MROH1: variants seen among roughly 807,000 people sequenced by gnomAD.
The protein encoded by MROH1 is maestro heat like repeat family member 1.
In MROH1, 117 loss-of-function variants were observed where a neutral mutation model predicts 116.5. The ratio of observed to expected loss-of-function variants is 1.00; its 90% CI spans 0.86 to 1.17. MROH1 has a LOEUF of 1.17. Ranked by LOEUF, MROH1 falls within the 50% of genes most tolerant of loss-of-function variation. MROH1 has a pLI of 0.00. For missense variants in MROH1, 1,873 were observed against 1,338.5 expected (o/e 1.40, Z -6.23); for synonymous variants, 921 against 583.9 (o/e 1.58, Z -8.32).
chr8:144,179,896 A>C (rs1184942180), intron 5 of MROH1, among the ~76,000 whole-genome samples: 3 of 151,524 alleles, frequency 2.0e-5, no homozygotes, highest in African/African-American at 4.9e-5. Flanking sequence ...GGTGGGCCTA[A>C]CTCTCAGGGC....
chr8:144,180,474 C>T lies in MROH1; in HGVS notation c.513C>T (p.Pro171=), dbSNP rs751131150. Reference sequence around the variant, plus strand: ...CATCCGTCCTGAGCTCCCTGCTGCCCGTGCTGGGCGTGGCCAAGCAGGACA... The same window carrying T: ...CATCCGTCCTGAGCTCCCTGCTGCCTGTGCTGGGCGTGGCCAAGCAGGACA... The part of the protein sequence containing the change: ...FLPSVLSSLL[P]VLGVAKQDTV... Residue 171 remains proline (P), a synonymous_variant, in exon 7 of 44, where the codon CCC becomes CCT. Transcript: ENST00000326134. The surrounding 1 kb of genome is among the most constrained non-coding windows in gnomAD (Gnocchi z 7.4). The T allele has an allele frequency of 1.3e-5, 21 of 1,612,440 alleles. No individual in the cohort carries two copies. The highest frequency in any genetic ancestry group is 6.6e-5 in the South Asian group (6 of 91,084).
intron 36 of MROH1, 145 bp from the exon 37 acceptor site, chr8:144,259,095 A>G: frequency 1.5e-6 from 1 of 677,184 alleles, no homozygotes; most frequent in Admixed American, 2.1e-5. Flanking sequence ...CTGGCGAGGC[A>G]AGCTGGGAGG....
chr8:144,170,158 G>T (rs925372716), intron 4 of MROH1, among the ~76,000 whole-genome samples: 1 of 152,132 alleles, frequency 6.6e-6, no homozygotes, highest in Non-Finnish European at 1.5e-5. Flanking sequence ...TGGCTGCCTT[G>T]GGGGAGAATG....
rs927194847 is a variant in MROH1 at position 144,259,138 on chromosome 8, C to T, written c.3930-102C>T. 290 of 694,442 alleles carry T rather than the reference C, an allele frequency of 4.2e-4. 1 individual carries two copies. In the East Asian group the frequency reaches 7.5e-3, roughly 18 times the overall value. The allele number at this position is 694,442 out of a possible 1,614,324, so 43.0% of individuals were successfully genotyped here. A position where few individuals can be genotyped will look rare whatever the true frequency, so the allele number is the denominator to read the frequency against. ...GAAACATAGAACTCCCAGAACCTGG[C>T]AGCTGGCGGTGGAGCGGACCAGGGC... On this transcript the variant is annotated intron_variant, in intron 36 of 43. Transcript: ENST00000326134.
chr8:144,156,708 CAAAA>C (rs1176108997), intron 1 of MROH1, among the ~76,000 whole-genome samples: 41 of 56,130 alleles, frequency 7.3e-4, no homozygotes, highest in African/African-American at 2.6e-3. Context: ...GACTCTGTCT[CAAAA>C]AAAAAAAAAA....
chr8:144,187,904 G>T (rs967211537), intron 7 of MROH1, among the ~76,000 whole-genome samples: 4 of 152,168 alleles, frequency 2.6e-5, no homozygotes, highest in African/African-American at 4.8e-5. Flanking sequence ...GCCAGGTGGG[G>T]GTGTAGGAAG....
At chr8:144,175,144 A>G (rs1283433774) in intron 4 of MROH1, 1 of 985,314 alleles carries the variant, frequency 1.0e-6, no homozygotes, top group Non-Finnish European at 1.2e-6. Flanking sequence ...TCAGGTGGGT[A>G]TTAATGCCCT....
At chr8:144,227,114 C>G (rs956312681) in intron 14 of MROH1, among the ~76,000 whole-genome samples, 1 of 152,116 alleles carries the variant, frequency 6.6e-6, no homozygotes, top group African/African-American at 2.4e-5. Context: ...AGATATTGAC[C>G]ATGTATCCTG....
chr8:144,219,588 A>G (rs1449734712), intron 12 of MROH1, among the ~76,000 whole-genome samples: 1 of 152,154 alleles, frequency 6.6e-6, no homozygotes, highest in Non-Finnish European at 1.5e-5. Flanking sequence ...CTGAGCTTCT[A>G]TGGCACACGT....
intron 35 of MROH1, among the ~76,000 whole-genome samples, chr8:144,257,836 G>A (rs1030629534): frequency 6.6e-5 from 10 of 152,354 alleles, no homozygotes; most frequent in African/African-American, 2.2e-4. Flanking sequence ...TCCTGAGGAC[G>A]AAGCCTTGTG....
At chr8:144,245,312 C>T in intron 29 of MROH1, 52 bp downstream of exon 29, 1 of 767,350 alleles carries the variant, frequency 1.3e-6, no homozygotes, top group Non-Finnish European at 2.4e-6. Flanking sequence ...TACTCATGAC[C>T]CAGAGTGTGA....
At chr8:144,169,511 G>A (rs1587842766) in intron 4 of MROH1, among the ~76,000 whole-genome samples, 1 of 150,218 alleles carries the variant, frequency 6.7e-6, no homozygotes. Context: ...GGAGTGCAGT[G>A]GACCATCTCG....
In MROH1 at chr8:144,184,561, T is replaced by C. The variant is rs565732007; in HGVS notation, c.562+4038T>C. On this transcript the variant is annotated intron_variant, in intron 7 of 43. Transcript: ENST00000326134. ...GAGCCAGTGTGAAAAGAGAACCAAATACAGTCTAGAAACAAAACTGTAACC... is the reference window on the plus strand; with the variant it reads ...GAGCCAGTGTGAAAAGAGAACCAAACACAGTCTAGAAACAAAACTGTAACC... 2.6e-5 allele frequency among the ~76,000 whole-genome samples: 4 copies of C among 152,278 alleles called. No individual in the cohort carries two copies. In the South Asian group the frequency reaches 8.3e-4, roughly 32 times the overall value.
In MROH1 at chr8:144,212,580, CTTTTTTTTTT is replaced by C. The variant is rs59225464; in HGVS notation, c.1142-8000_1142-7991del. On this transcript the variant is annotated intron_variant, in intron 12 of 43. Transcript: ENST00000326134. ...AGAGATTTTTACCTCTCTTCTGTTA[CTTTTTTTTTT>C]TTTTTTTTTTTTTTTTTTTGAGACA... Among the ~76,000 whole-genome samples, 413 of 47,252 alleles carry C rather than the reference CTTTTTTTTTT, an allele frequency of 8.7e-3. 3 individuals carry two copies. The highest frequency in any genetic ancestry group is 0.034 in the African/African-American group (397 of 11,546). The allele number at this position is 47,252 out of a possible 152,430, so 31.0% of individuals were successfully genotyped here. A position where few individuals can be genotyped will look rare whatever the true frequency, so the allele number is the denominator to read the frequency against.
intron 14 of MROH1, among the ~76,000 whole-genome samples, chr8:144,226,245 G>A (rs981009532): frequency 7.2e-5 from 11 of 152,076 alleles, no homozygotes; most frequent in Non-Finnish European, 1.3e-4. Flanking sequence ...AATGTGAGGT[G>A]TGTTTGAGGC....
intron 1 of MROH1, among the ~76,000 whole-genome samples, chr8:144,157,033 G>A (rs951195291): frequency 1.3e-5 from 2 of 152,048 alleles, no homozygotes; most frequent in Non-Finnish European, 2.9e-5. Context: ...TCGGCTCACT[G>A]CAACCTCCGC....
At chr8:144,218,047 T>C (rs1835662853) in intron 12 of MROH1, among the ~76,000 whole-genome samples, 1 of 140,334 alleles carries the variant, frequency 7.1e-6, no homozygotes, top group Non-Finnish European at 1.6e-5. Flanking sequence ...TGGCCCAGGA[T>C]CCTTCTGGGT....
chr8:144,193,246 G>A (rs1829077836), intron 10 of MROH1: 1 of 152,374 alleles, frequency 6.6e-6, no homozygotes, highest in Non-Finnish European at 1.5e-5. Flanking sequence ...TTCCTAGAAA[G>A]ATTAAAATGT....
At chr8:144,223,838 G>T (rs868812852) in intron 14 of MROH1, among the ~76,000 whole-genome samples, 4 of 152,188 alleles carry the variant, frequency 2.6e-5, no homozygotes, top group Non-Finnish European at 4.4e-5. Flanking sequence ...GTCCACCAAG[G>T]CCAGCTCAGA....
Sources: allele counts gnomAD v4.1 joint callset (sites outside exome capture counted in the v4.1 genomes callset), GRCh38; gene constraint gnomAD v4.1.1; non-coding constraint Gnocchi (gnomAD v3.1); transcripts MANE v1.5; gene names NCBI Gene and HGNC (gene_info 2026-07-23, HGNC 2026-07-21).